PTRH1: variants seen among roughly 807,000 people sequenced by gnomAD.
PTRH1 encodes peptidyl-tRNA hydrolase 1 homolog.
In PTRH1, 13 loss-of-function variants were observed where a neutral mutation model predicts 15.7. The ratio of observed to expected loss-of-function variants is 0.83; its 90% CI spans 0.54 to 1.31. PTRH1 has a LOEUF of 1.31. PTRH1 is among the 40% of genes most tolerant of loss of function. The pLI is 0.00. For synonymous variants in PTRH1, 139 were observed against 136.7 expected (o/e 1.02, Z -0.12); for missense variants, 319 against 296.2 (o/e 1.08, Z -0.56).
downstream of PTRH1, chr9:127,711,496 G>A (rs769193697): frequency 1.9e-5 from 30 of 1,612,604 alleles, no homozygotes; most frequent in South Asian, 3.0e-4. Flanking sequence ...GCCACCAGAA[G>A]GTGTGCCTGC....
chr9:127,712,207 G>C (rs771889568), downstream of PTRH1: 22 of 1,613,918 alleles, frequency 1.4e-5, no homozygotes, highest in Non-Finnish European at 1.8e-5. Flanking sequence ...AGGAGCCAGA[G>C]AGACCAGCTG....
Position 127,714,138 on chromosome 9 carries a change from T to C in PTRH1, c.607A>G (p.Ile203Val). Residue 203 changes from isoleucine (I) to valine (V), a missense_variant, in exon 5 of 5, where the codon ATC becomes GTC. Physicochemically the swap from Ile to Val is conservative, Grantham distance 29. Coordinates refer to ENST00000543175, the MANE Select transcript of PTRH1 (RefSeq NM_001002913.3). ...GAGGGCCCCTGGCTTCGCTCACGGATGTGGTCCAAGATCAGGTCGGTGGCT... is the reference window on the plus strand; with the variant it reads ...GAGGGCCCCTGGCTTCGCTCACGGACGTGGTCCAAGATCAGGTCGGTGGCT... ...DRATDLILDH[I>V]RERSQGPSLG... is the part of the protein sequence containing the mutation. 1 of 1,613,726 alleles carries C rather than the reference T, an allele frequency of 6.2e-7. No individual in the cohort carries two copies. The highest frequency in any genetic ancestry group is 1.1e-5 in the South Asian group (1 of 91,066).
chr9:127,706,179 T>C (rs191928593), intron 1 of PTRH1, among the ~76,000 whole-genome samples: 112 of 152,346 alleles, frequency 7.4e-4, no homozygotes, highest in African/African-American at 2.5e-3. Context: ...GAGCCCACTT[T>C]TGACCAACCA....
At chr9:127,712,839 A>T, downstream of PTRH1, 1 of 1,613,378 alleles carries the variant, frequency 6.2e-7, no homozygotes, top group Non-Finnish European at 8.5e-7. Flanking sequence ...GCGTGTCCCC[A>T]CCAGGAGTCA....
At chr9:127,712,108 G>T, downstream of PTRH1, 1 of 1,549,226 alleles carries the variant, frequency 6.5e-7, no homozygotes, top group Admixed American at 2.0e-5. Context: ...GCCCCTGTGG[G>T]CTTGGAGAGA....
At chr9:127,710,672 G>T (rs180978665), downstream of PTRH1, 6 of 1,583,626 alleles carry the variant, frequency 3.8e-6, no homozygotes, top group East Asian at 1.4e-4. Flanking sequence ...CACATTGCTG[G>T]AGGAGCAGGT....
intron 1 of PTRH1, among the ~76,000 whole-genome samples, chr9:127,704,505 C>CAAAAA (rs374789277): frequency 2.8e-4 from 14 of 49,862 alleles, no homozygotes; most frequent in Admixed American, 4.0e-4. Flanking sequence ...GACACTGTCT[C>CAAAAA]AAAAAAAAAA....
intron 1 of PTRH1, among the ~76,000 whole-genome samples, chr9:127,698,905 C>CTTTTT (rs143136665): frequency 7.3e-6 from 1 of 136,866 alleles, no homozygotes; most frequent in Admixed American, 7.4e-5. Context: ...ACAAGACCAA[C>CTTTTT]TTTTTTTTTT....
At chr9:127,714,476 C>A in intron 3 of PTRH1, 52 bp from the exon 4 acceptor site, 1 of 1,609,234 alleles carries the variant, frequency 6.2e-7, no homozygotes, top group Non-Finnish European at 8.5e-7. Context: ...CAGTGTCCTT[C>A]CACCCCTCCC....
Position 127,705,521 on chromosome 9 carries a change from C to G in PTRH1, c.205+9914G>C, listed in dbSNP as rs1842637851. Among the ~76,000 whole-genome samples, 1 of 152,256 alleles carries G rather than the reference C, an allele frequency of 6.6e-6. No individual in the cohort carries two copies. Among genetic ancestry groups the G allele is most frequent in the African/African-American group, 2.4e-5 (1 of 41,470 alleles). ...GAGGGCAGGTCTCCAAGCTGACACCCTCTGTGGGCTCCAGGCTGCCCGAGG... is the reference window on the plus strand; with the variant it reads ...GAGGGCAGGTCTCCAAGCTGACACCGTCTGTGGGCTCCAGGCTGCCCGAGG... On this transcript the variant is annotated intron_variant, in intron 1 of 2. Coordinates refer to the PTRH1 transcript ENST00000335223. The surrounding 1 kb of genome is among the most constrained non-coding windows in gnomAD (Gnocchi z 4.7).
At position 127,714,657 on chromosome 9, in the gene PTRH1, T is replaced by C. The variant is rs1162610282; in HGVS notation, c.362A>G (p.Asp121Gly). ...TCTCCCCAGGGGCTTGTCCAGCTCA[T>C]CATGCACCAGGTAGACTTCCTCGGC... Reference protein sequence around the residue: ...LTAEEVYLVHDELDKPLGRLA... With the variant: ...LTAEEVYLVHGELDKPLGRLA... Residue 121 changes from aspartate (D) to glycine (G), a missense_variant, in exon 3 of 5, where the codon GAT becomes GGT. By Grantham distance (94) the Asp-to-Gly change is moderately conservative. Transcript: ENST00000543175. 1 of 1,613,928 alleles carries C rather than the reference T, an allele frequency of 6.2e-7. No individual in the cohort carries two copies. Among genetic ancestry groups the C allele is most frequent in the Non-Finnish European group, 8.5e-7 (1 of 1,179,956 alleles).
exon 2 of PTRH1, chr9:127,695,124 G>C (rs771924259): frequency 4.3e-6 from 3 of 701,806 alleles, no homozygotes; most frequent in African/African-American, 1.7e-5. Flanking sequence ...TGCTGTTGAC[G>C]ATGAGTCCAA....
At chr9:127,709,765 G>A, downstream of PTRH1, 1 of 1,491,586 alleles carries the variant, frequency 6.7e-7, no homozygotes, top group South Asian at 1.3e-5. The surrounding 1 kb of genome is among the most constrained non-coding windows in gnomAD (Gnocchi z 4.7). Flanking sequence ...TTTCTCACCT[G>A]GGAAACAGGG....
chr9:127,697,302 G>A (rs1348884176), intron 1 of PTRH1, among the ~76,000 whole-genome samples: 1 of 152,212 alleles, frequency 6.6e-6, no homozygotes, highest in Non-Finnish European at 1.5e-5. Flanking sequence ...TACAGAGACA[G>A]TGATCTGAGT....
downstream of PTRH1, chr9:127,711,701 G>C: frequency 8.0e-7 from 1 of 1,249,692 alleles, no homozygotes; most frequent in Non-Finnish European, 1.1e-6. Flanking sequence ...TATGGAAGCA[G>C]AGTCCAGCCC....
chr9:127,714,005 T>C lies in PTRH1; in HGVS notation c.*95A>G. The C allele has an allele frequency of 1.3e-6, 2 of 1,579,614 alleles. No individual in the cohort carries two copies. Among genetic ancestry groups the C allele is most frequent in the Non-Finnish European group, 1.7e-6 (2 of 1,150,500 alleles). On this transcript the variant is annotated 3_prime_UTR_variant, in exon 5 of 5. Transcript: ENST00000543175. ...CCTGGAACAGTCTAGAGGAGATTTGTATAAAAAGTAGATACCAAGGCTGGC... is the reference window on the plus strand; with the variant it reads ...CCTGGAACAGTCTAGAGGAGATTTGCATAAAAAGTAGATACCAAGGCTGGC...
chr9:127,695,371 T>C (rs761435578), intron 1 of PTRH1: 4 of 501,774 alleles, frequency 8.0e-6, no homozygotes, highest in Non-Finnish European at 1.4e-5. Context: ...AAAGCTTCAA[T>C]GTTGCAGGCT....
At chr9:127,714,546 C>T in intron 3 of PTRH1, 57 bp downstream of exon 3, 1 of 1,594,580 alleles carries the variant, frequency 6.3e-7, no homozygotes, top group Non-Finnish European at 8.6e-7. Context: ...AGCCCTACTC[C>T]ACCCCAACTG....
intron 3 of PTRH1, 65 bp downstream of exon 3, chr9:127,714,538 C>A (rs1842869138): frequency 9.4e-6 from 15 of 1,590,422 alleles, no homozygotes; most frequent in Non-Finnish European, 1.3e-5. Flanking sequence ...GGGTCAGCAG[C>A]CCTACTCCAC....
Sources: gnomAD v4.1 joint callset for allele counts (sites outside exome capture counted in the v4.1 genomes callset) on GRCh38, gnomAD v4.1.1 for gene constraint, Gnocchi (gnomAD v3.1) non-coding constraint, MANE v1.5 for transcripts, NCBI Gene and HGNC (gene_info 2026-07-23, HGNC 2026-07-21) for gene names.